ATG5: variants seen among roughly 807,000 people sequenced by gnomAD.
ATG5 encodes autophagy protein 5.
In ATG5, 14 loss-of-function variants were observed where a neutral mutation model predicts 36.5. The observed-to-expected ratio is 0.38, with a 90% CI of 0.25 to 0.60. ATG5 has a LOEUF of 0.60. Ranked by LOEUF, ATG5 falls within the 20% of genes least tolerant of loss-of-function variation. The pLI is 0.60. For missense variants in ATG5, 195 were observed against 326.7 expected (o/e 0.60, Z 3.11); for synonymous variants, 95 against 101.5 (o/e 0.94, Z 0.38).
intron 4 of ATG5, among the ~76,000 whole-genome samples, chr6:106,292,718 C>A (rs1224736323): frequency 2.0e-5 from 3 of 152,176 alleles, no homozygotes; most frequent in African/African-American, 4.8e-5. Flanking sequence ...CCTGGGCTCA[C>A]CTCGGCCTCC....
intron 1 of ATG5, among the ~76,000 whole-genome samples, chr6:106,323,229 G>A (rs924806967): frequency 7.0e-6 from 1 of 143,626 alleles, no homozygotes; most frequent in African/African-American, 2.6e-5. Flanking sequence ...ATCACTCTGT[G>A]GTCTTTTCCG....
intron 6 of ATG5, among the ~76,000 whole-genome samples, chr6:106,231,389 C>A (rs1465826876): frequency 6.6e-6 from 1 of 152,064 alleles, no homozygotes; most frequent in African/African-American, 2.4e-5. Context: ...AATGATAGGT[C>A]GACAACAGAG....
At position 106,185,713 on chromosome 6, in the gene ATG5, T is replaced by TA. The variant is rs1205636877; in HGVS notation, c.*826dup. On this transcript the variant is annotated 3_prime_UTR_variant, in exon 8 of 8. Transcript: ENST00000369076. ...TGATAAAACAACAAAGATGAACAGTTACAATATTTATACGTGTAGTGTGTA... is the reference window on the plus strand; with the variant it reads ...TGATAAAACAACAAAGATGAACAGTTAACAATATTTATACGTGTAGTGTGTA... 6.6e-6 allele frequency: 1 copy of TA among 152,342 alleles called. No individual in the cohort carries two copies. Among genetic ancestry groups the TA allele is most frequent in the African/African-American group, 2.4e-5 (1 of 41,454 alleles). The allele number at this position is 152,342 out of a possible 1,614,324, so 9.4% of individuals were successfully genotyped here. A position where few individuals can be genotyped will look rare whatever the true frequency, so the allele number is the denominator to read the frequency against.
rs536067480 is a variant in ATG5 at position 106,283,971 on chromosome 6, G to T, written c.316-4148C>A. Among the ~76,000 whole-genome samples, 3 of 152,114 alleles carry T rather than the reference G, an allele frequency of 2.0e-5. No homozygotes were observed. In the South Asian group the frequency reaches 6.2e-4, roughly 32 times the overall value. ...TTTGTGTCTTCTTTCACTTAACATG[G>T]TATTTTCAAGGTTGTAGCATATTAT... On this transcript the variant is annotated intron_variant, in intron 4 of 7. Coordinates refer to ENST00000369076, the MANE Select transcript of ATG5 (RefSeq NM_004849.4).
At chr6:106,211,507 G>A (rs540702407) in intron 6 of ATG5, among the ~76,000 whole-genome samples, 2 of 152,250 alleles carry the variant, frequency 1.3e-5, no homozygotes, top group African/African-American at 2.4e-5. Flanking sequence ...TCGGGAGTTC[G>A]AGGCCAGCCT....
intron 6 of ATG5, among the ~76,000 whole-genome samples, chr6:106,214,320 G>C (rs556568408): frequency 6.6e-6 from 1 of 152,144 alleles, no homozygotes; most frequent in South Asian, 2.1e-4. Flanking sequence ...GGAACAGAGA[G>C]GGGAGTGGGT....
chr6:106,242,155 C>T (rs373561168), intron 6 of ATG5, among the ~76,000 whole-genome samples: 1 of 149,430 alleles, frequency 6.7e-6, no homozygotes, highest in Non-Finnish European at 1.5e-5. Context: ...CACACACACA[C>T]ATTTATAGAA....
chr6:106,310,079 G>A (rs1277722052), intron 2 of ATG5, among the ~76,000 whole-genome samples: 2 of 152,026 alleles, frequency 1.3e-5, no homozygotes, highest in African/African-American at 4.8e-5. Flanking sequence ...AAGGAAAAAA[G>A]AACATTAGAC....
chr6:106,295,528 T>C (rs1055017230), intron 3 of ATG5, among the ~76,000 whole-genome samples: 58 of 152,224 alleles, frequency 3.8e-4, no homozygotes, highest in African/African-American at 1.4e-3. Flanking sequence ...CTAAAACAAA[T>C]ATATCTTAAA....
chr6:106,248,564 T>C (rs1778441618), intron 5 of ATG5, among the ~76,000 whole-genome samples: 1 of 152,326 alleles, frequency 6.6e-6, no homozygotes, highest in Non-Finnish European at 1.5e-5. Context: ...ATGTCTTGAC[T>C]CTCCTGGTAC....
chr6:106,251,695 AAAAG>A (rs1458715230), intron 5 of ATG5, among the ~76,000 whole-genome samples: 5 of 134,800 alleles, frequency 3.7e-5, no homozygotes, highest in East Asian at 2.2e-4. Flanking sequence ...GAAAGACAGA[AAAAG>A]AAAGAGAAAA....
intron 3 of ATG5, among the ~76,000 whole-genome samples, chr6:106,305,188 A>G (rs1182101824): frequency 2.0e-5 from 3 of 152,238 alleles, no homozygotes; most frequent in Admixed American, 2.0e-4. Context: ...AAGTAGATGA[A>G]CAAAGAATAG....
chr6:106,288,080 C>G (rs1780154448), intron 4 of ATG5, among the ~76,000 whole-genome samples: 1 of 151,836 alleles, frequency 6.6e-6, no homozygotes, highest in Non-Finnish European at 1.5e-5. Context: ...AAGCGATTCT[C>G]CTGCCTCAGC....
intron 1 of ATG5, among the ~76,000 whole-genome samples, chr6:106,322,786 T>C (rs985964300): frequency 1.3e-5 from 2 of 152,260 alleles, no homozygotes; most frequent in African/African-American, 4.8e-5. Flanking sequence ...CCCACAGTTT[T>C]ATCTTCTGTC....
At chr6:106,321,774 C>T (rs1370497540) in intron 1 of ATG5, among the ~76,000 whole-genome samples, 1 of 152,162 alleles carries the variant, frequency 6.6e-6, no homozygotes, top group Non-Finnish European at 1.5e-5. Flanking sequence ...ATGTAGTTAT[C>T]TGTTTATCTT....
At chr6:106,199,684 A>G (rs746048098) in intron 7 of ATG5, among the ~76,000 whole-genome samples, 18 of 152,220 alleles carry the variant, frequency 1.2e-4, no homozygotes, top group Non-Finnish European at 2.5e-4. Flanking sequence ...ATTTAACTAA[A>G]ACTCTTATTG....
intron 5 of ATG5, among the ~76,000 whole-genome samples, chr6:106,276,191 G>A (rs1029481866): frequency 7.2e-5 from 11 of 152,286 alleles, no homozygotes; most frequent in African/African-American, 2.6e-4. Context: ...TGGGCCGGGC[G>A]CGGTGGCTCA....
At chr6:106,199,260 C>T (rs1333009935) in intron 7 of ATG5, among the ~76,000 whole-genome samples, 1 of 152,124 alleles carries the variant, frequency 6.6e-6, no homozygotes, top group Non-Finnish European at 1.5e-5. Flanking sequence ...ACAGAAAGAC[C>T]CATATTTGAA....
chr6:106,231,719 G>GA (rs992506851), intron 6 of ATG5, among the ~76,000 whole-genome samples: 6 of 152,020 alleles, frequency 3.9e-5, no homozygotes, highest in African/African-American at 1.5e-4. Context: ...CAGACATTAG[G>GA]AAAAAACTTC....
Sources: allele counts gnomAD v4.1 joint callset (sites outside exome capture counted in the v4.1 genomes callset), GRCh38; gene constraint gnomAD v4.1.1; transcripts MANE v1.5; gene names NCBI Gene and HGNC (gene_info 2026-07-23, HGNC 2026-07-21).